Variants in PAK3 observed in about 807,000 individuals in gnomAD.
The protein encoded by PAK3 is p21 (RAC1) activated kinase 3, also known as serine/threonine-protein kinase PAK 3.
A neutral mutation model predicts 41.0 loss-of-function variants in PAK3; 4 were observed. That is an observed-to-expected ratio of 0.10 (90% confidence interval 0.05 to 0.22). The LOEUF (loss-of-function observed/expected upper bound fraction) is 0.22, where lower values mean the gene tolerates loss of function less well. PAK3 is among the 10% of genes least tolerant of loss of function. The probability of loss-of-function intolerance (pLI) is 1.00; values close to 1 mark genes in which losing one functional copy is unlikely to be tolerated. For missense variants in PAK3, 205 were observed against 409.9 expected (o/e 0.50, Z 4.32); for synonymous variants, 146 against 139.6 (o/e 1.05, Z -0.32).
chrX:111,155,515 A>G (rs924891404), intron 8 of PAK3, among the ~76,000 whole-genome samples: 6 of 108,428 alleles, frequency 5.5e-5, no homozygotes, highest in Non-Finnish European at 1.2e-4. Flanking sequence ...AAAAAAAAAA[A>G]CCCAACAATA....
intron 5 of PAK3, among the ~76,000 whole-genome samples, chrX:111,130,392 T>A (rs1196772697): frequency 1.8e-5 from 2 of 112,026 alleles, no homozygotes; most frequent in African/African-American, 6.5e-5. Flanking sequence ...GGAGGACATA[T>A]GTTGTTTTCC....
At chrX:111,092,190 A>G (rs1431035741), upstream of PAK3, among the ~76,000 whole-genome samples, 1 of 111,963 alleles carries the variant, frequency 8.9e-6, no homozygotes, top group Non-Finnish European at 1.9e-5. Flanking sequence ...TCTTAACCAA[A>G]ATAAGACTGT....
chrX:111,075,670 G>T (rs1166654424), intron 1 of PAK3, among the ~76,000 whole-genome samples: 1 of 112,647 alleles, frequency 8.9e-6, no homozygotes, highest in African/African-American at 3.2e-5. Context: ...CACACTCAGA[G>T]CCCCAACCAG....
chrX:111,080,615 A>G (rs1431572273), intron 1 of PAK3, among the ~76,000 whole-genome samples: 1 of 111,986 alleles, frequency 8.9e-6, no homozygotes, highest in Non-Finnish European at 1.9e-5. Flanking sequence ...TCTCCAAAGT[A>G]TACCTGTACA....
In PAK3 at chrX:111,163,189, T is replaced by C. The variant is rs998714400; in HGVS notation, c.600+143T>C. 5.0e-6 allele frequency: 3 copies of C among 599,502 alleles called. No homozygotes were observed. The African/African-American group carries it at 6.8e-5, about 14-fold the overall frequency. The allele number at this position is 599,502 out of a possible 1,213,427, so 49.4% of individuals were successfully genotyped here. A position where few individuals can be genotyped will look rare whatever the true frequency, so the allele number is the denominator to read the frequency against. On this transcript the variant is annotated intron_variant, in intron 9 of 17. Coordinates refer to ENST00000372007, the MANE Select transcript of PAK3 (RefSeq NM_002578.5). ...AAAGTATAAAATATGACCAAGGTTT[T>C]GAGGATACTGTTTGAGGATACAAGG...
At chrX:111,054,726 T>C (rs1471781616) in intron 1 of PAK3, among the ~76,000 whole-genome samples, 2 of 111,463 alleles carry the variant, frequency 1.8e-5, no homozygotes, top group African/African-American at 6.5e-5. Context: ...GGTGTTAAAA[T>C]ATTGAAATAC....
chrX:110,964,873 G>GGCTGGCTT (rs2091050534), intron 1 of PAK3, among the ~76,000 whole-genome samples: 1 of 111,299 alleles, frequency 9.0e-6, no homozygotes, highest in Non-Finnish European at 1.9e-5. Flanking sequence ...CTGACTGACT[G>GGCTGGCTT]GCTGGCTTGC....
chrX:111,050,384 C>T (rs769952242), intron 1 of PAK3, among the ~76,000 whole-genome samples: 2 of 112,060 alleles, frequency 1.8e-5, no homozygotes, highest in Non-Finnish European at 3.8e-5. Flanking sequence ...AGAAAGTTAT[C>T]ACTTCTATTT....
At chrX:110,960,405 C>G (rs180750095) in intron 1 of PAK3, among the ~76,000 whole-genome samples, 24 of 111,942 alleles carry the variant, frequency 2.1e-4, no homozygotes, top group African/African-American at 7.1e-4. Context: ...ACAAGAATAG[C>G]CTTCACTGAG....
At chrX:111,126,186 T>C (rs1172903139) in intron 5 of PAK3, among the ~76,000 whole-genome samples, 2 of 111,915 alleles carry the variant, frequency 1.8e-5, no homozygotes, top group African/African-American at 6.5e-5. Flanking sequence ...GGAAATCATC[T>C]CAGGATCTAA....
chrX:111,219,190 A>AAATAATAATAATAAT (rs3062744), intron 17 of PAK3, among the ~76,000 whole-genome samples: 63 of 84,397 alleles, frequency 7.5e-4, no homozygotes, highest in South Asian at 2.0e-3. Flanking sequence ...AGTCCATCTC[A>AAATAATAATAATAAT]AATAATAATA....
At chrX:111,092,551 C>T (rs1474536294), upstream of PAK3, among the ~76,000 whole-genome samples, 3 of 111,766 alleles carry the variant, frequency 2.7e-5, no homozygotes, top group South Asian at 7.5e-4. Flanking sequence ...TATGTATCTA[C>T]CATAATTTAT....
chrX:111,174,842 A>G (rs745666798), intron 11 of PAK3, among the ~76,000 whole-genome samples: 1 of 111,830 alleles, frequency 8.9e-6, no homozygotes, highest in South Asian at 3.8e-4. Flanking sequence ...AGTGCTTGAC[A>G]GAGGGATACA....
At chrX:111,022,309 A>G (rs1444393245) in intron 1 of PAK3, among the ~76,000 whole-genome samples, 5 of 112,111 alleles carry the variant, frequency 4.5e-5, no homozygotes, top group Non-Finnish European at 7.5e-5. Flanking sequence ...AGGAAAACCT[A>G]TCAGATTAAC....
intron 10 of PAK3, 72 bp from the exon 11 acceptor site, chrX:111,172,946 A>G: frequency 1.6e-6 from 1 of 615,083 alleles, no homozygotes; most frequent in Middle Eastern, 3.0e-4. Context: ...CAGTCAATCA[A>G]TTTCTATTTC....
intron 1 of PAK3, among the ~76,000 whole-genome samples, chrX:111,076,393 G>A (rs2092785859): frequency 9.0e-6 from 1 of 111,549 alleles, no homozygotes; most frequent in Admixed American, 9.5e-5. Flanking sequence ...GAATTATTGT[G>A]CAATTCATAC....
chrX:110,970,318 A>G (rs974731321), intron 1 of PAK3, among the ~76,000 whole-genome samples: 2 of 111,684 alleles, frequency 1.8e-5, no homozygotes, highest in African/African-American at 6.5e-5. Context: ...CTTTTGTCAT[A>G]TGGATAGATT....
intron 1 of PAK3, among the ~76,000 whole-genome samples, chrX:110,970,000 T>G (rs778002208): frequency 2.7e-5 from 3 of 112,252 alleles, no homozygotes; most frequent in African/African-American, 9.7e-5. Flanking sequence ...CTTTCATCAT[T>G]GTCTTTACAT....
intron 16 of PAK3, among the ~76,000 whole-genome samples, chrX:111,214,835 A>C (rs1225901955): frequency 9.0e-6 from 1 of 111,611 alleles, no homozygotes; most frequent in Non-Finnish European, 1.9e-5. Context: ...AGAGTAGAGA[A>C]AGGGGAAAGG....
Sources: gnomAD v4.1 joint callset for allele counts (sites outside exome capture counted in the v4.1 genomes callset) on GRCh38, gnomAD v4.1.1 for gene constraint, MANE v1.5 for transcripts, NCBI Gene and HGNC (gene_info 2026-07-23, HGNC 2026-07-21) for gene names.